Variants in TRIM65 observed in about 807,000 individuals in gnomAD.
TRIM65 encodes E3 ubiquitin-protein ligase TRIM65.
In TRIM65, 46 loss-of-function variants were observed where a neutral mutation model predicts 36.1. That is an observed-to-expected ratio of 1.27 (90% CI 1.01 to 1.63). TRIM65 has a LOEUF of 1.63. Among genes scored for constraint, TRIM65 ranks in the 40% most tolerant of loss-of-function variants. The pLI is 0.00. For synonymous variants in TRIM65, 346 were observed against 313.6 expected (o/e 1.10, Z -1.09); for missense variants, 708 against 696.6 (o/e 1.02, Z -0.18).
chr17:75,892,032 G>C lies in TRIM65; in HGVS notation c.898C>G (p.Pro300Ala), dbSNP rs1262968369. 4 of 1,551,104 alleles carry C rather than the reference G, an allele frequency of 2.6e-6. No homozygotes were observed. The highest frequency in any genetic ancestry group is 1.4e-5 in the African/African-American group (1 of 73,188). The change falls in exon 4 of 6, where the codon CCT (proline) becomes GCT (alanine). Residue 300 changes from proline (P) to alanine (A), a missense_variant. Coordinates refer to ENST00000269383, the MANE Select transcript of TRIM65 (RefSeq NM_173547.4). ...EGSHPGAPAK[P>A]VDLAPVEAPG... is the part of the protein sequence containing the mutation. ...TTACCCACGGGGGCTAAGTCCACAG[G>C]CTTGGCTGGTGCCCCAGGGTGGCTC...
chr17:75,893,221 G>A (rs916977465), intron 1 of TRIM65, among the ~76,000 whole-genome samples: 3 of 152,184 alleles, frequency 2.0e-5, no homozygotes, highest in Non-Finnish European at 4.4e-5. Context: ...GCTGGCTCAG[G>A]AGGCCTCGCA....
Position 75,891,793 on chromosome 17 carries a change from T to C in TRIM65, c.985+20A>G, listed in dbSNP as rs565150446. 1.2e-6 allele frequency: 2 copies of C among 1,602,488 alleles called. No individual in the cohort carries two copies. The highest frequency in any genetic ancestry group is 1.1e-5 in the South Asian group (1 of 88,864). ...GCACACGCACACACAGGGGCACACA[T>C]ACACGAACGGCCTCCTTACTCTGCC... On this transcript the variant is annotated intron_variant, in intron 5 of 5. Coordinates refer to ENST00000269383, the MANE Select transcript of TRIM65 (RefSeq NM_173547.4).
At chr17:75,894,983 C>T (rs947845508) in intron 1 of TRIM65, among the ~76,000 whole-genome samples, 5 of 152,324 alleles carry the variant, frequency 3.3e-5, no homozygotes, top group East Asian at 3.9e-4. Flanking sequence ...GGTCAGCGCG[C>T]GGCAGGGCTG....
At chr17:75,891,911 G>A in intron 4 of TRIM65, 33 bp from the exon 5 acceptor site, 1 of 1,596,216 alleles carries the variant, frequency 6.3e-7, no homozygotes, top group Non-Finnish European at 8.5e-7. Flanking sequence ...GGGAATGGTT[G>A]GAGAGGTCAC....
intron 1 of TRIM65, among the ~76,000 whole-genome samples, chr17:75,894,679 G>A (rs1427154411): frequency 6.6e-6 from 1 of 152,230 alleles, no homozygotes; most frequent in Non-Finnish European, 1.5e-5. Flanking sequence ...ACAGGCGCCC[G>A]CCACCAGGCC....
intron 1 of TRIM65, among the ~76,000 whole-genome samples, chr17:75,893,858 CT>C (rs1012919582): frequency 1.3e-5 from 2 of 152,094 alleles, no homozygotes; most frequent in Non-Finnish European, 2.9e-5. Flanking sequence ...CTGGCTGCCC[CT>C]GTCGCTCCCT....
downstream of TRIM65, among the ~76,000 whole-genome samples, chr17:75,887,972 G>A (rs935679722): frequency 1.3e-5 from 2 of 151,920 alleles, no homozygotes; most frequent in East Asian, 1.9e-4. Flanking sequence ...TGGCTAACAC[G>A]GTGAAACCCT....
intron 4 of TRIM65, among the ~76,000 whole-genome samples, chr17:75,882,373 A>G (rs1040069632): frequency 6.7e-6 from 1 of 150,256 alleles, no homozygotes; most frequent in African/African-American, 2.5e-5. Context: ...ACGCTCGGCT[A>G]AATTTTGTAT....
chr17:75,896,296 C>T (rs1050595246), intron 1 of TRIM65, among the ~76,000 whole-genome samples: 1 of 152,242 alleles, frequency 6.6e-6, no homozygotes, highest in Non-Finnish European at 1.5e-5. Flanking sequence ...ACCTCGTGAT[C>T]CGCCCGCCTC....
At chr17:75,882,694 G>A (rs1239555072) in intron 4 of TRIM65, among the ~76,000 whole-genome samples, 1 of 150,704 alleles carries the variant, frequency 6.6e-6, no homozygotes, top group Non-Finnish European at 1.5e-5. Context: ...ATGGCAACTG[G>A]AATTCCGATA....
At chr17:75,883,478 GTT>G (rs2065182181) in intron 4 of TRIM65, among the ~76,000 whole-genome samples, 1 of 147,512 alleles carries the variant, frequency 6.8e-6, no homozygotes, top group East Asian at 2.0e-4. Flanking sequence ...AAGCTTTTTT[GTT>G]TTTCTGTTTG....
At position 75,890,735 on chromosome 17, in the gene TRIM65, T is replaced by G; in HGVS notation, c.*44A>C. 2 of 1,416,770 alleles carry G rather than the reference T, an allele frequency of 1.4e-6. No individual in the cohort carries two copies. The highest frequency in any genetic ancestry group is 2.7e-5 in the East Asian group (1 of 37,698). The allele number at this position is 1,416,770 out of a possible 1,614,324, so 87.8% of individuals were successfully genotyped here. ...TGAAGCTGGGCAGCTCTTGGGCACA[T>G]AGGCATGGTGGCAGCTATGCCAGGG... On this transcript the variant is annotated 3_prime_UTR_variant, in exon 6 of 6. Transcript: ENST00000269383.
In TRIM65 at chr17:75,889,464, A is replaced by G. The variant is rs1045456974; in HGVS notation, c.*1315T>C. 2 of 152,248 alleles carry G rather than the reference A, an allele frequency of 1.3e-5. No individual in the cohort carries two copies. Among genetic ancestry groups the G allele is most frequent in the Non-Finnish European group, 2.9e-5 (2 of 68,066 alleles). The allele number at this position is 152,248 out of a possible 1,614,324, so 9.4% of individuals were successfully genotyped here. A position where few individuals can be genotyped will look rare whatever the true frequency, so the allele number is the denominator to read the frequency against. ...CAACCCCACTTCCGGAAATACAAGC[A>G]AAATCATGCCCAGGGGTCTTCGTGG... On this transcript the variant is annotated 3_prime_UTR_variant, in exon 6 of 6. Transcript: ENST00000269383.
chr17:75,886,841 CTG>C (rs2144021296), downstream of TRIM65, among the ~76,000 whole-genome samples: 1 of 152,288 alleles, frequency 6.6e-6, no homozygotes, highest in South Asian at 2.1e-4. Context: ...CATCCCAACT[CTG>C]TGCTGCCTTT....
At chr17:75,895,000 G>A (rs1204809962) in intron 1 of TRIM65, among the ~76,000 whole-genome samples, 1 of 152,166 alleles carries the variant, frequency 6.6e-6, no homozygotes, top group African/African-American at 2.4e-5. Context: ...GCTGGGGCCA[G>A]GGTCCCAGGT....
Position 75,891,075 on chromosome 17 carries a change from G to A in TRIM65, c.1258C>T (p.Pro420Ser), listed in dbSNP as rs970658077. ...GPHTDNIGRG[P>S]CSWGLCVQED... is the part of the protein sequence containing the mutation. ...TGGACGCAGAGCCCCCAGGAGCAGG[G>A]TCCCCGGCCAATGTTGTCTGTGTGG... Residue 420 changes from proline to serine, a missense_variant, in exon 6 of 6, where the codon CCC becomes TCC. By Grantham distance (74) the Pro-to-Ser change is moderately conservative. Transcript: ENST00000269383. 1.2e-6 allele frequency: 2 copies of A among 1,611,802 alleles called. No individual in the cohort carries two copies. Among genetic ancestry groups the A allele is most frequent in the Non-Finnish European group, 8.5e-7 (1 of 1,179,846 alleles).
chr17:75,879,746 TA>T, downstream of TRIM65, among the ~76,000 whole-genome samples: 1 of 150,718 alleles, frequency 6.6e-6, no homozygotes, highest in Admixed American at 6.6e-5. Flanking sequence ...AAATTCCAAA[TA>T]ATGTTTTTTT....
chr17:75,891,781 CAG>C (rs764787771), intron 5 of TRIM65, 30 bp downstream of exon 5: 49 of 1,594,938 alleles, frequency 3.1e-5, no homozygotes, highest in African/African-American at 2.4e-4. Context: ...CACGCACACA[CAG>C]GGGCACACAT....
At chr17:75,884,562 T>C (rs1336262745), downstream of TRIM65, among the ~76,000 whole-genome samples, 1 of 152,204 alleles carries the variant, frequency 6.6e-6, no homozygotes, top group Non-Finnish European at 1.5e-5. Flanking sequence ...TGTAATGATT[T>C]CTTTTAGCGT....
Sources: allele counts gnomAD v4.1 joint callset (sites outside exome capture counted in the v4.1 genomes callset), GRCh38; gene constraint gnomAD v4.1.1; transcripts MANE v1.5; gene names NCBI Gene and HGNC (gene_info 2026-07-23, HGNC 2026-07-21).